XXYLT1: variants seen among roughly 807,000 people sequenced by gnomAD.
The protein encoded by XXYLT1 is UDP-xylose:alpha-xyloside alpha-1,3-xylosyltransferase.
XXYLT1 carries 20 observed loss-of-function variants against 28.9 expected under a neutral mutation model. The observed-to-expected ratio is 0.69, with a 90% CI of 0.49 to 1.00. XXYLT1 has a LOEUF of 1.00. XXYLT1 is among the 50% of genes least tolerant of loss of function. The pLI is 0.00. For missense variants in XXYLT1, 542 were observed against 560.1 expected (o/e 0.97, Z 0.33); for synonymous variants, 257 against 253.8 (o/e 1.01, Z -0.12).
intron 2 of XXYLT1, among the ~76,000 whole-genome samples, chr3:195,192,226 C>A (rs926924299): frequency 9.9e-5 from 15 of 152,016 alleles, no homozygotes; most frequent in Non-Finnish European, 1.6e-4. Flanking sequence ...AGTTTGAGAC[C>A]AACCTGGCCA....
chr3:195,249,199 C>T (rs1055991350), intron 1 of XXYLT1, among the ~76,000 whole-genome samples: 12 of 152,158 alleles, frequency 7.9e-5, no homozygotes, highest in African/African-American at 2.7e-4. Flanking sequence ...CTGATTTCCC[C>T]GCCTGACGTC....
At chr3:195,122,310 G>A (rs1718402490) in intron 3 of XXYLT1, 1 of 612,374 alleles carries the variant, frequency 1.6e-6, no homozygotes. Context: ...CCCCTCAGTA[G>A]TCTAAAAGGG....
chr3:195,120,285 C>CCT (rs377002925), intron 3 of XXYLT1, among the ~76,000 whole-genome samples: 3 of 29,684 alleles, frequency 1.0e-4, no homozygotes, highest in Admixed American at 4.0e-4. Flanking sequence ...TGCTCAGATG[C>CCT]CCCCCCCGCC....
At chr3:195,110,687 T>C (rs140430581) in intron 3 of XXYLT1, among the ~76,000 whole-genome samples, 1,527 of 16,926 alleles carry the variant, frequency 0.09, 17 homozygotes, top group Middle Eastern at 0.15. Context: ...GTGTGTGTGC[T>C]GTATGTGTGC....
At chr3:195,104,374 T>C (rs1716975832) in intron 3 of XXYLT1, among the ~76,000 whole-genome samples, 1 of 152,076 alleles carries the variant, frequency 6.6e-6, no homozygotes, top group Non-Finnish European at 1.5e-5. Context: ...CAATCATTCC[T>C]CAGCTTAAGT....
intron 2 of XXYLT1, among the ~76,000 whole-genome samples, chr3:195,174,464 G>A (rs113806401): frequency 0.019 from 2,842 of 152,060 alleles, 92 homozygotes; most frequent in African/African-American, 0.065. Context: ...TCAGCCTCCT[G>A]AACAGCTGAG....
At chr3:195,120,287 C>CCCA (rs1553805994) in intron 3 of XXYLT1, among the ~76,000 whole-genome samples, 2 of 140,702 alleles carry the variant, frequency 1.4e-5, no homozygotes, top group Non-Finnish European at 3.2e-5. Flanking sequence ...CTCAGATGCC[C>CCCA]CCCCCGCCCC....
chr3:195,104,232 TGTGTGTGTGTGTGTA>T (rs1716967962), intron 3 of XXYLT1, among the ~76,000 whole-genome samples: 1 of 148,604 alleles, frequency 6.7e-6, no homozygotes, highest in Non-Finnish European at 1.5e-5. Context: ...TGTGTGTGTG[TGTGTGTGTGTGTGTA>T]TTTTATGAGA....
chr3:195,068,744 C>CTAATT lies in XXYLT1; in HGVS notation c.*966_*970dup, dbSNP rs757209203. On this transcript the variant is annotated 3_prime_UTR_variant, in exon 4 of 4. Coordinates refer to ENST00000310380, the MANE Select transcript of XXYLT1 (RefSeq NM_152531.5). ...AACAAGCACAAGCCACCACACCTGGCTAATTTTTAAAATATTTTGTAGCGA... is the reference window on the plus strand; with the variant it reads ...AACAAGCACAAGCCACCACACCTGGCTAATTTAATTTTTAAAATATTTTGTAGCGA... 1.3e-5 allele frequency: 2 copies of CTAATT among 152,166 alleles called. No homozygotes were observed. Among genetic ancestry groups the CTAATT allele is most frequent in the Non-Finnish European group, 2.9e-5 (2 of 68,074 alleles). 9.4% of individuals were successfully genotyped at this position (152,166 alleles called of 1,614,324 possible). A position where few individuals can be genotyped will look rare whatever the true frequency, so the allele number is the denominator to read the frequency against.
intron 2 of XXYLT1, among the ~76,000 whole-genome samples, chr3:195,216,929 A>G (rs1723604013): frequency 8.5e-6 from 1 of 117,886 alleles, no homozygotes; most frequent in South Asian, 3.1e-4. Flanking sequence ...TACTGGCAAA[A>G]CGAATCCAGC....
intron 3 of XXYLT1, among the ~76,000 whole-genome samples, chr3:195,149,309 A>C (rs1720053035): frequency 6.6e-6 from 1 of 152,252 alleles, no homozygotes; most frequent in African/African-American, 2.4e-5. Context: ...TTTAATGATG[A>C]GTTTTAGATA....
intron 3 of XXYLT1, among the ~76,000 whole-genome samples, chr3:195,127,124 A>C (rs1718677995): frequency 6.6e-6 from 1 of 152,158 alleles, no homozygotes; most frequent in South Asian, 2.1e-4. Flanking sequence ...TGCGTTCTAG[A>C]AGAGTCTTCG....
At position 195,154,260 on chromosome 3, in the gene XXYLT1, C is replaced by T. The variant is rs899296050; in HGVS notation, c.785+2189G>A. Among the ~76,000 whole-genome samples, 13 of 152,124 alleles carry T rather than the reference C, an allele frequency of 8.5e-5. No individual in the cohort carries two copies. In the East Asian group the frequency reaches 1.2e-3, roughly 14 times the overall value. ...GTAGATAGAAAGAACCTGGAACTGA[C>T]GACCAGCAGCTTCCTGGTAAGATTT... is the stretch of plus-strand genomic sequence containing the variant. On this transcript the variant is annotated intron_variant, in intron 3 of 3. Coordinates refer to ENST00000310380, the MANE Select transcript of XXYLT1 (RefSeq NM_152531.5).
chr3:195,170,308 AAATT>A (rs1343860407), intron 2 of XXYLT1, among the ~76,000 whole-genome samples: 1 of 152,254 alleles, frequency 6.6e-6, no homozygotes, highest in Non-Finnish European at 1.5e-5. Flanking sequence ...ATTTTAAAAG[AAATT>A]AATTAACTAC....
At chr3:195,189,305 G>A (rs1172125078) in intron 2 of XXYLT1, among the ~76,000 whole-genome samples, 2 of 152,124 alleles carry the variant, frequency 1.3e-5, no homozygotes, top group Non-Finnish European at 2.9e-5. Context: ...TTGCAAGTGA[G>A]ACAGACATCA....
chr3:195,085,526 C>T (rs1715672808), intron 3 of XXYLT1, among the ~76,000 whole-genome samples: 1 of 152,228 alleles, frequency 6.6e-6, no homozygotes, highest in African/African-American at 2.4e-5. Flanking sequence ...CCCAGTTCTA[C>T]TCGAGAAGCA....
chr3:195,093,446 C>G (rs777400153), intron 3 of XXYLT1, among the ~76,000 whole-genome samples: 1 of 132,940 alleles, frequency 7.5e-6, no homozygotes, highest in Non-Finnish European at 1.6e-5. Context: ...AACCAAACAC[C>G]GCATATTCTC....
chr3:195,122,173 A>C, intron 3 of XXYLT1: 1 of 702,986 alleles, frequency 1.4e-6, no homozygotes. Context: ...CTCTTTCATC[A>C]GGACACTCAT....
intron 1 of XXYLT1, among the ~76,000 whole-genome samples, chr3:195,251,500 C>T (rs910965107): frequency 2.6e-5 from 4 of 152,318 alleles, no homozygotes; most frequent in African/African-American, 9.6e-5. Context: ...TGTGAAGCTG[C>T]GCTGAGCACC....
Sources: allele counts gnomAD v4.1 joint callset (sites outside exome capture counted in the v4.1 genomes callset), GRCh38; gene constraint gnomAD v4.1.1; transcripts MANE v1.5; gene names NCBI Gene and HGNC (gene_info 2026-07-23, HGNC 2026-07-21).